ZNF565: variants seen among roughly 807,000 people sequenced by gnomAD.
ZNF565 encodes the protein zinc finger protein 565.
A neutral mutation model predicts 39.4 loss-of-function variants in ZNF565; 27 were observed. The ratio of observed to expected loss-of-function variants is 0.69; its 90% CI spans 0.51 to 0.95. The LOEUF (loss-of-function observed/expected upper bound fraction) is 0.95, where lower values mean the gene tolerates loss of function less well. ZNF565 is among the 40% of genes least tolerant of loss of function. ZNF565 has a pLI of 0.00. For synonymous variants in ZNF565, 185 were observed against 216.6 expected, an observed-to-expected ratio of 0.85 and a Z score of 1.28; for missense variants, 524 against 621.1, an observed-to-expected ratio of 0.84 and a Z score of 1.66.
intron 1 of ZNF565, among the ~76,000 whole-genome samples, chr19:36,205,476 C>T (rs1057131195): frequency 8.6e-5 from 13 of 151,918 alleles, no homozygotes; most frequent in African/African-American, 4.8e-5. Context: ...TGCGGTGAGC[C>T]GAGATGGCAC....
chr19:36,224,742 T>A (rs1377038128), intron 1 of ZNF565, among the ~76,000 whole-genome samples: 1 of 152,240 alleles, frequency 6.6e-6, no homozygotes, highest in Non-Finnish European at 1.5e-5. Flanking sequence ...ATTTATAAAA[T>A]AACTTGGGAA....
chr19:36,203,657 CCT>C (rs769738499), intron 1 of ZNF565: 8 of 152,244 alleles, frequency 5.3e-5, no homozygotes, highest in African/African-American at 9.7e-5. Flanking sequence ...CTCACCGCAA[CCT>C]CTGTCTCCCA....
At chr19:36,202,252 A>G (rs538242640) in intron 1 of ZNF565, among the ~76,000 whole-genome samples, 8 of 152,274 alleles carry the variant, frequency 5.3e-5, no homozygotes, top group Non-Finnish European at 1.0e-4. Context: ...CTGTAAACCC[A>G]GCACCTTGGG....
intron 1 of ZNF565, among the ~76,000 whole-genome samples, chr19:36,226,909 C>A (rs1325288234): frequency 1.3e-5 from 2 of 151,670 alleles, no homozygotes; most frequent in Non-Finnish European, 2.9e-5. Context: ...CACAGAGAAA[C>A]TCCGTCTCTA....
intron 4 of ZNF565, among the ~76,000 whole-genome samples, chr19:36,185,138 G>C (rs1399845247): frequency 2.0e-5 from 3 of 149,960 alleles, no homozygotes; most frequent in African/African-American, 7.4e-5. Context: ...AAAAGGGCTG[G>C]GTGCAGTGGC....
intron 1 of ZNF565, chr19:36,237,456 C>CACACACACACACA: frequency 9.2e-7 from 1 of 1,089,334 alleles, no homozygotes; most frequent in Non-Finnish European, 1.3e-6. Flanking sequence ...TTAAGGGACA[C>CACACACACACACA]CAGAAAATTT....
At chr19:36,206,585 C>CTT (rs767691225) in intron 1 of ZNF565, among the ~76,000 whole-genome samples, 2 of 152,144 alleles carry the variant, frequency 1.3e-5, no homozygotes, top group Non-Finnish European at 2.9e-5. Context: ...GATCCCAGCA[C>CTT]TTTGGGAGGG....
chr19:36,238,993 C>T (rs528893049), intron 1 of ZNF565, among the ~76,000 whole-genome samples: 56 of 152,244 alleles, frequency 3.7e-4, no homozygotes, highest in Non-Finnish European at 7.8e-4. Context: ...GAGAATGTAA[C>T]GCCTGATGAT....
At chr19:36,186,945 C>CT (rs1333153366) in intron 4 of ZNF565, among the ~76,000 whole-genome samples, 1 of 152,104 alleles carries the variant, frequency 6.6e-6, no homozygotes, top group Non-Finnish European at 1.5e-5. Flanking sequence ...AACCCCAGCA[C>CT]TTTGGGAGGC....
chr19:36,242,923 G>T lies in ZNF565; in HGVS notation c.55+2553C>A, dbSNP rs1330862853. ...ATTCATCACATTTTCCCAGTTCTTT[G>T]TATTTCAAATAATTTTAGATTGCAC... On this transcript the variant is annotated intron_variant, in intron 1 of 4. Transcript: ENST00000355114. 2.6e-5 allele frequency among the ~76,000 whole-genome samples: 4 copies of T among 152,158 alleles called. No homozygotes were observed. In the East Asian group the frequency reaches 7.7e-4, roughly 29 times the overall value.
intron 1 of ZNF565, among the ~76,000 whole-genome samples, chr19:36,239,207 C>T (rs1221044431): frequency 6.6e-6 from 1 of 152,126 alleles, no homozygotes; most frequent in Non-Finnish European, 1.5e-5. Flanking sequence ...TTTGTTCATA[C>T]ATGCACAGGC....
At chr19:36,240,472 GAATTGAGAGTCCACA>G (rs968443489) in intron 1 of ZNF565, among the ~76,000 whole-genome samples, 12 of 152,174 alleles carry the variant, frequency 7.9e-5, no homozygotes, top group Non-Finnish European at 1.8e-4. Context: ...AGTGGGAAGA[GAATTGAGAGTCCACA>G]AATGCTATGG....
intron 4 of ZNF565, among the ~76,000 whole-genome samples, chr19:36,192,677 G>GT (rs1568414051): frequency 6.6e-6 from 1 of 151,352 alleles, no homozygotes; most frequent in Non-Finnish European, 1.5e-5. Flanking sequence ...GGAGGCGGAG[G>GT]TTTTAGTAGA....
intron 4 of ZNF565, among the ~76,000 whole-genome samples, chr19:36,192,999 GT>G (rs1207544657): frequency 9.3e-5 from 14 of 151,092 alleles, no homozygotes; most frequent in Admixed American, 8.6e-4. Context: ...TTGTTTGTTT[GT>G]TTGTTTGTTT....
At chr19:36,208,205 A>ATT (rs11307687) in intron 1 of ZNF565, among the ~76,000 whole-genome samples, 1 of 136,010 alleles carries the variant, frequency 7.4e-6, no homozygotes, top group African/African-American at 2.8e-5. Flanking sequence ...TTACAGGACA[A>ATT]TTTTTTTTTT....
At chr19:36,208,440 T>A (rs1187341861) in intron 1 of ZNF565, among the ~76,000 whole-genome samples, 3 of 152,002 alleles carry the variant, frequency 2.0e-5, no homozygotes, top group Non-Finnish European at 4.4e-5. Flanking sequence ...CCTTAAATGA[T>A]CCTCCCACTT....
At chr19:36,224,179 C>T (rs767999785) in intron 1 of ZNF565, among the ~76,000 whole-genome samples, 2 of 152,134 alleles carry the variant, frequency 1.3e-5, no homozygotes, top group South Asian at 2.1e-4. Flanking sequence ...GTCAGGAGTT[C>T]GAGACCAGCC....
At chr19:36,237,077 G>A in intron 1 of ZNF565, 6 of 1,614,126 alleles carry the variant, frequency 3.7e-6, no homozygotes, top group Non-Finnish European at 5.1e-6. Context: ...TAAACCTTAC[G>A]AATGCAATGT....
rs527526945 is a variant in ZNF565 at position 36,243,647 on chromosome 19, T to G, written c.55+1829A>C. On this transcript the variant is annotated intron_variant, in intron 1 of 4. Coordinates refer to the ZNF565 transcript ENST00000355114. ...AGCATAAATTATGAGAGAAATGCCT[T>G]CCTTCCAGCCAGAGGAGTCCAAAAG... Among the ~76,000 whole-genome samples, 3 of 152,168 alleles carry G rather than the reference T, an allele frequency of 2.0e-5. No homozygotes were observed. The South Asian group carries it at 6.2e-4, about 32-fold the overall frequency.
Sources: gnomAD v4.1 joint callset for allele counts (sites outside exome capture counted in the v4.1 genomes callset) on GRCh38, gnomAD v4.1.1 for gene constraint, MANE v1.5 for transcripts, NCBI Gene and HGNC (gene_info 2026-07-23, HGNC 2026-07-21) for gene names.